The following SLC37A3 variants were observed in gnomAD, a reference collection of about 807,000 sequenced individuals.
The protein encoded by SLC37A3 is solute carrier family 37 member 3, also known as sugar phosphate exchanger 3.
A neutral mutation model predicts 67.1 loss-of-function variants in SLC37A3; 51 were observed. The observed-to-expected ratio is 0.76, with a 90% CI of 0.61 to 0.96. The LOEUF (loss-of-function observed/expected upper bound fraction) is 0.96, where lower values mean the gene tolerates loss of function less well. SLC37A3 is among the 40% of genes least tolerant of loss of function. The probability of loss-of-function intolerance (pLI) is 0.00; values close to 1 mark genes in which losing one functional copy is unlikely to be tolerated. For missense variants in SLC37A3, 508 were observed against 603.0 expected (o/e 0.84, Z 1.65); for synonymous variants, 214 against 231.4 (o/e 0.92, Z 0.68).
intron 3 of SLC37A3, among the ~76,000 whole-genome samples, chr7:140,378,476 AC>A (rs1798116942): frequency 6.6e-6 from 1 of 151,996 alleles, no homozygotes; most frequent in African/African-American, 2.4e-5. Flanking sequence ...GGTGGCTCAC[AC>A]CTGTAATCCC....
In SLC37A3 at chr7:140,358,783, CACCTT is replaced by C; in HGVS notation, c.376-3_377del. Reference sequence around the variant, plus strand: ...ATTCTGTGAGCGCACCAAAGACAAACACCTTGAAGAGGAGGAAACAAAAGGAATAT... The same window carrying C: ...ATTCTGTGAGCGCACCAAAGACAAACGAAGAGGAGGAAACAAAAGGAATAT... On this transcript the variant is annotated splice_acceptor_variant and splice_polypyrimidine_tract_variant and coding_sequence_variant and intron_variant, in exon 6 of 15. Coordinates refer to ENST00000326232, the MANE Select transcript of SLC37A3 (RefSeq NM_207113.3). LOFTEE classifies it high-confidence loss of function. 1 of 1,614,100 alleles carries C rather than the reference CACCTT, an allele frequency of 6.2e-7. No individual in the cohort carries two copies. The highest frequency in any genetic ancestry group is 8.5e-7 in the Non-Finnish European group (1 of 1,180,010).
intron 5 of SLC37A3, among the ~76,000 whole-genome samples, chr7:140,360,942 A>G (rs1050784466): frequency 2.6e-5 from 4 of 152,032 alleles, no homozygotes; most frequent in African/African-American, 9.7e-5. Flanking sequence ...GGAATCTGTG[A>G]TTTTAACCAC....
At chr7:140,364,728 AT>A (rs1417564000) in intron 4 of SLC37A3, among the ~76,000 whole-genome samples, 1 of 149,768 alleles carries the variant, frequency 6.7e-6, no homozygotes, top group East Asian at 2.0e-4. Context: ...AAGGAAAAAA[AT>A]ATTAAAAAAA....
intron 3 of SLC37A3, among the ~76,000 whole-genome samples, chr7:140,377,097 C>T (rs1157471450): frequency 1.3e-5 from 2 of 152,056 alleles, no homozygotes; most frequent in African/African-American, 4.8e-5. Context: ...GCATGCATCA[C>T]CATACCCAGC....
intron 7 of SLC37A3, among the ~76,000 whole-genome samples, chr7:140,355,391 T>C (rs781055936): frequency 1.3e-5 from 2 of 152,096 alleles, no homozygotes; most frequent in Non-Finnish European, 2.9e-5. Flanking sequence ...TTTGTATTTT[T>C]TGAGTAGAGA....
chr7:140,340,189 GT>G (rs146504899), intron 13 of SLC37A3, among the ~76,000 whole-genome samples: 7,691 of 151,926 alleles, frequency 0.051, 214 homozygotes, highest in Non-Finnish European at 0.071. Context: ...ATTTGTCCCT[GT>G]TTTCTTCTAT....
intron 5 of SLC37A3, among the ~76,000 whole-genome samples, chr7:140,359,901 AATACATAAAAC>A (rs1797197297): frequency 6.6e-6 from 1 of 152,208 alleles, no homozygotes. Context: ...GTTTTTAAAA[AATACATAAAAC>A]ACAAAAAAGT....
chr7:140,366,333 T>G (rs958293921), intron 4 of SLC37A3, among the ~76,000 whole-genome samples: 4 of 152,144 alleles, frequency 2.6e-5, no homozygotes, highest in Admixed American at 2.6e-4. Flanking sequence ...GGTCTCAAAC[T>G]CCTGACCTCA....
intron 5 of SLC37A3, among the ~76,000 whole-genome samples, chr7:140,363,715 A>T (rs1229649688): frequency 6.7e-6 from 1 of 148,226 alleles, no homozygotes; most frequent in East Asian, 2.0e-4. Context: ...TAAAAAAATA[A>T]AAAAAAAAGA....
rs181207918 is a variant in SLC37A3, at chr7:140,361,522, C to T, written c.376-2737G>A. Among the ~76,000 whole-genome samples the T allele has an allele frequency of 5.2e-3, 406 of 78,196 alleles. 20 individuals are homozygous for T. The highest frequency in any genetic ancestry group is 0.02 in the East Asian group (48 of 2,358). The allele number at this position is 78,196 out of a possible 152,430, so 51.3% of individuals were successfully genotyped here. A position where few individuals can be genotyped will look rare whatever the true frequency, so the allele number is the denominator to read the frequency against. On this transcript the variant is annotated intron_variant, in intron 5 of 14. Coordinates refer to ENST00000326232, the MANE Select transcript of SLC37A3 (RefSeq NM_207113.3). ...CCCCCTCCCCCTCCCCCTCCCCCTCCCCCTCCCCCTCCCTCTCTCCCTCTC... is the reference window on the plus strand; with the variant it reads ...CCCCCTCCCCCTCCCCCTCCCCCTCTCCCTCCCCCTCCCTCTCTCCCTCTC...
intron 1 of SLC37A3, among the ~76,000 whole-genome samples, chr7:140,385,096 A>G (rs1463299033): frequency 1.3e-5 from 2 of 152,204 alleles, no homozygotes; most frequent in East Asian, 3.8e-4. Flanking sequence ...ATAAATCATA[A>G]GTGGTCATCC....
chr7:140,336,449 A>G (rs34787182), intron 14 of SLC37A3, among the ~76,000 whole-genome samples: 1 of 152,178 alleles, frequency 6.6e-6, no homozygotes, highest in African/African-American at 2.4e-5. Flanking sequence ...ATAAAAATAA[A>G]CAAGGCCTTA....
At chr7:140,390,872 A>T (rs1317106976) in intron 1 of SLC37A3, among the ~76,000 whole-genome samples, 3 of 151,850 alleles carry the variant, frequency 2.0e-5, no homozygotes, top group Non-Finnish European at 4.4e-5. Flanking sequence ...TTTTTCCCTC[A>T]TCCATCCCCC....
At chr7:140,358,555 C>T (rs1041861233) in intron 6 of SLC37A3, 85 bp downstream of exon 6, 2 of 1,572,878 alleles carry the variant, frequency 1.3e-6, no homozygotes, top group Non-Finnish European at 1.7e-6. Context: ...TCTAAGGCAG[C>T]AAAGTAACTG....
chr7:140,370,399 C>T (rs1797775787), intron 3 of SLC37A3: 1 of 152,150 alleles, frequency 6.6e-6, no homozygotes, highest in East Asian at 1.9e-4. Flanking sequence ...TTTTGTTTGG[C>T]AGAATCCAAT....
At position 140,335,234 on chromosome 7, in the gene SLC37A3, T is replaced by C; in HGVS notation, c.*178A>G. 3 of 1,613,044 alleles carry C rather than the reference T, an allele frequency of 1.9e-6. No homozygotes were observed. The highest frequency in any genetic ancestry group is 2.5e-6 in the Non-Finnish European group (3 of 1,179,236). Reference sequence around the variant, plus strand: ...ATCATCAACAGTAATTCCTGTAGTGTAGAAAACTAGTGCAGCCTTCACTGC... The same window carrying C: ...ATCATCAACAGTAATTCCTGTAGTGCAGAAAACTAGTGCAGCCTTCACTGC... On this transcript the variant is annotated 3_prime_UTR_variant, in exon 15 of 15. Transcript: ENST00000326232.
At chr7:140,396,888 T>G (rs1370255629) in intron 1 of SLC37A3, among the ~76,000 whole-genome samples, 3 of 75,098 alleles carry the variant, frequency 4.0e-5, no homozygotes, top group African/African-American at 9.6e-5. Flanking sequence ...TTCTGTTTTT[T>G]TTTTTGTTTT....
intron 3 of SLC37A3, among the ~76,000 whole-genome samples, chr7:140,374,035 T>C (rs947710057): frequency 3.9e-5 from 6 of 152,364 alleles, no homozygotes; most frequent in African/African-American, 1.2e-4. Flanking sequence ...TTTTAAATTC[T>C]CAGCTTTAAT....
intron 3 of SLC37A3, among the ~76,000 whole-genome samples, chr7:140,370,140 A>C (rs2129645764): frequency 9.4e-6 from 1 of 106,400 alleles, no homozygotes; most frequent in East Asian, 3.4e-4. Flanking sequence ...GAAAAGAAAG[A>C]AATAACTAGT....
Sources: gnomAD v4.1 joint callset for allele counts (sites outside exome capture counted in the v4.1 genomes callset) on GRCh38, gnomAD v4.1.1 for gene constraint, MANE v1.5 for transcripts, NCBI Gene and HGNC (gene_info 2026-07-23, HGNC 2026-07-21) for gene names.